The following NKAIN4 variants were observed in gnomAD, a reference collection of about 807,000 sequenced individuals.
NKAIN4 encodes sodium/potassium transporting ATPase interacting 4, also known as sodium/potassium-transporting ATPase subunit beta-1-interacting protein 4.
NKAIN4 carries 28 observed loss-of-function variants against 28.8 expected under a neutral mutation model. The observed-to-expected ratio is 0.97, with a 90% confidence interval of 0.72 to 1.33. The LOEUF (loss-of-function observed/expected upper bound fraction) is 1.33. Ranked by LOEUF, NKAIN4 falls within the 40% of genes most tolerant of loss-of-function variation. The pLI is 0.00. For missense variants in NKAIN4, 289 were observed against 277.2 expected (o/e 1.04, Z -0.30); for synonymous variants, 122 against 115.6 (o/e 1.06, Z -0.36).
At chr20:63,251,102 C>T (rs1407781072) in intron 1 of NKAIN4, among the ~76,000 whole-genome samples, 1 of 152,136 alleles carries the variant, frequency 6.6e-6, no homozygotes, top group South Asian at 2.1e-4. Flanking sequence ...GGTAAGGTCA[C>T]GTGGGTCACA....
upstream of NKAIN4, chr20:63,254,814 T>G: frequency 1.0e-5 from 2 of 196,432 alleles, no homozygotes; most frequent in Non-Finnish European, 1.0e-5. Context: ...TCCTGCAGGA[T>G]GACCTGCCCA....
intron 4 of NKAIN4, chr20:63,247,238 C>T: frequency 8.1e-7 from 1 of 1,232,974 alleles, no homozygotes; most frequent in Non-Finnish European, 1.0e-6. Context: ...CAGGAAGATG[C>T]ATGCCCCTCC....
chr20:63,254,463 TA>T (rs2067016642), upstream of NKAIN4: 1 of 1,335,032 alleles, frequency 7.5e-7, no homozygotes. Context: ...TGCCCGCCTA[TA>T]CAGGAGGCCC....
At chr20:63,247,236 T>G in intron 4 of NKAIN4, 1 of 1,228,736 alleles carries the variant, frequency 8.1e-7, no homozygotes, top group East Asian at 4.7e-5. Context: ...GTCAGGAAGA[T>G]GCATGCCCCT....
intron 1 of NKAIN4, 122 bp downstream of exon 1, chr20:63,254,275 C>G: frequency 1.3e-6 from 1 of 794,142 alleles, no homozygotes; most frequent in South Asian, 2.9e-5. Flanking sequence ...GGCATCCCCC[C>G]TCGGAGCTGG....
At chr20:63,251,339 G>A (rs1432749451) in intron 1 of NKAIN4, among the ~76,000 whole-genome samples, 2 of 152,204 alleles carry the variant, frequency 1.3e-5, no homozygotes, top group Admixed American at 6.5e-5. Flanking sequence ...AGACGGTTAG[G>A]CCTCCGGATA....
chr20:63,246,640 G>A (rs777047416), intron 4 of NKAIN4: 138 of 985,268 alleles, frequency 1.4e-4, no homozygotes, highest in Non-Finnish European at 1.6e-4. Context: ...GGTGTGTTGC[G>A]TCGACACCAC....
At chr20:63,247,190 G>T in intron 4 of NKAIN4, 1 of 1,147,584 alleles carries the variant, frequency 8.7e-7, no homozygotes, top group Non-Finnish European at 1.1e-6. Context: ...GCTCGGGGCA[G>T]CCGAGGGAAC....
At chr20:63,251,516 G>C (rs993649622) in intron 1 of NKAIN4, among the ~76,000 whole-genome samples, 2 of 152,162 alleles carry the variant, frequency 1.3e-5, no homozygotes, top group Admixed American at 1.3e-4. Flanking sequence ...GCTTGGCAAC[G>C]GGCGTCTTCC....
chr20:63,249,808 G>A, intron 2 of NKAIN4, 127 bp downstream of exon 2: 1 of 967,682 alleles, frequency 1.0e-6, no homozygotes, highest in Non-Finnish European at 1.5e-6. Context: ...GAACCCAGGG[G>A]TCTGGGTTGG....
intron 5 of NKAIN4, among the ~76,000 whole-genome samples, chr20:63,243,650 GT>G (rs1001135973): frequency 9.8e-5 from 15 of 152,312 alleles, no homozygotes; most frequent in African/African-American, 3.6e-4. Context: ...AGGGCCTGAT[GT>G]GAGCGTCCTG....
intron 1 of NKAIN4, chr20:63,254,192 A>C: frequency 2.6e-5 from 11 of 419,472 alleles, no homozygotes; most frequent in East Asian, 4.4e-5. Flanking sequence ...CACACCGGGG[A>C]CGGGACCCGG....
upstream of NKAIN4, chr20:63,254,508 C>T (rs1228352197): frequency 2.5e-6 from 3 of 1,196,310 alleles, no homozygotes; most frequent in Non-Finnish European, 3.2e-6. Context: ...CGCCCCCGCT[C>T]CGCCCGCTCC....
intron 5 of NKAIN4, chr20:63,243,822 C>T (rs1568702763): frequency 1.9e-6 from 1 of 523,822 alleles, no homozygotes; most frequent in South Asian, 2.7e-5. Flanking sequence ...CCCTGGAGCC[C>T]CCAGGCTAGG....
chr20:63,254,697 T>G, upstream of NKAIN4: 117 of 260,422 alleles, frequency 4.5e-4, no homozygotes, highest in Middle Eastern at 1.2e-3. Flanking sequence ...AAAGGGGCGA[T>G]GGCGCGGCCT....
At chr20:63,249,212 G>A in intron 2 of NKAIN4, 1 of 382,128 alleles carries the variant, frequency 2.6e-6, no homozygotes, top group Non-Finnish European at 5.0e-6. Flanking sequence ...GCCTCACCGG[G>A]CTGACATTAC....
intron 6 of NKAIN4, among the ~76,000 whole-genome samples, chr20:63,242,029 G>A (rs919602735): frequency 2.6e-5 from 4 of 152,146 alleles, no homozygotes; most frequent in East Asian, 1.9e-4. Flanking sequence ...GATTGTGTAC[G>A]GGGCGGGCTG....
At chr20:63,250,931 A>G (rs1246926828) in intron 1 of NKAIN4, among the ~76,000 whole-genome samples, 2 of 27,688 alleles carry the variant, frequency 7.2e-5, no homozygotes, top group Non-Finnish European at 1.3e-4. Context: ...CAGCCACTCC[A>G]TCCCCCATCC....
At chr20:63,247,801 C>T (rs1304668775) in intron 3 of NKAIN4, 26 bp from the exon 4 acceptor site, 2 of 1,427,648 alleles carry the variant, frequency 1.4e-6, no homozygotes, top group South Asian at 1.6e-5. Context: ...AGGAGCAGGG[C>T]CGGTTAGCAC....
Sources: allele counts gnomAD v4.1 joint callset (sites outside exome capture counted in the v4.1 genomes callset), GRCh38; gene constraint gnomAD v4.1.1; transcripts MANE v1.5; gene names NCBI Gene and HGNC (gene_info 2026-07-23, HGNC 2026-07-21).